TERF2IP: variants seen among roughly 807,000 people sequenced by gnomAD.
TERF2IP encodes the protein TERF2 interacting protein.
In TERF2IP, 35 loss-of-function variants were observed where a neutral mutation model predicts 33.3. The observed-to-expected ratio is 1.05, with a 90% CI of 0.80 to 1.39. The LOEUF is 1.39. Among genes scored for constraint, TERF2IP ranks in the 40% most tolerant of loss-of-function variants. TERF2IP has a pLI of 0.00. For synonymous variants in TERF2IP, 253 were observed against 223.2 expected, an observed-to-expected ratio of 1.13 and a Z score of -1.19; for missense variants, 583 against 524.8, an observed-to-expected ratio of 1.11 and a Z score of -1.08.
intron 1 of TERF2IP, among the ~76,000 whole-genome samples, chr16:75,651,754 A>G (rs1002388630): frequency 1.3e-5 from 2 of 152,194 alleles, no homozygotes; most frequent in Middle Eastern, 3.2e-3. Flanking sequence ...TATAAGCTAT[A>G]CTTTGACCCA....
intron 2 of TERF2IP, among the ~76,000 whole-genome samples, chr16:75,654,955 C>T (rs982136443): frequency 6.6e-6 from 1 of 152,160 alleles, no homozygotes; most frequent in African/African-American, 2.4e-5. Flanking sequence ...GCCTCGATCT[C>T]CTGACCTCGT....
chr16:75,653,530 T>A (rs2082362013), intron 1 of TERF2IP, among the ~76,000 whole-genome samples: 1 of 152,184 alleles, frequency 6.6e-6, no homozygotes, highest in Non-Finnish European at 1.5e-5. Flanking sequence ...GGAGCAGAGT[T>A]AAATCTTCAG....
Position 75,648,338 on chromosome 16 carries a change from C to T in TERF2IP, c.456C>T (p.Ala152=). 1 of 1,582,808 alleles carries T rather than the reference C, an allele frequency of 6.3e-7. No homozygotes were observed. Among genetic ancestry groups the T allele is most frequent in the East Asian group, 2.3e-5 (1 of 43,736 alleles). ...VAILTYVKEN[A]RSPSSVTGNA... ...TCCTTACCTACGTGAAGGAAAATGC[C>T]CGCTCGCCCAGCTCCGTCACCGGTA... The change falls in exon 1 of 3, where the codon GCC becomes GCT. Residue 152 remains alanine, a synonymous_variant. Coordinates refer to ENST00000300086, the MANE Select transcript of TERF2IP (RefSeq NM_018975.4).
chr16:75,655,757 G>A (rs1295320234), intron 2 of TERF2IP, among the ~76,000 whole-genome samples: 3 of 152,172 alleles, frequency 2.0e-5, no homozygotes, highest in Non-Finnish European at 4.4e-5. Context: ...GGTGGGTATT[G>A]GAGATGTGGT....
intron 1 of TERF2IP, among the ~76,000 whole-genome samples, chr16:75,651,368 A>C (rs891965523): frequency 6.6e-6 from 1 of 152,204 alleles, no homozygotes; most frequent in Non-Finnish European, 1.5e-5. Flanking sequence ...GCCGATAAAC[A>C]AATGAAGAAA....
chr16:75,654,148 TAAAAAAA>T lies in TERF2IP; in HGVS notation c.671-106_671-100del, dbSNP rs34359798. On this transcript the variant is annotated intron_variant, in intron 1 of 2. Coordinates refer to ENST00000300086, the MANE Select transcript of TERF2IP (RefSeq NM_018975.4). Reference sequence around the variant, plus strand: ...ATCAAGAACAGATGTCTTCTGATAGTAAAAAAAAAAAAAAAAAAAAAAAAAGTGCAGG... The same window carrying T: ...ATCAAGAACAGATGTCTTCTGATAGTAAAAAAAAAAAAAAAAAAGTGCAGG... 9.6e-4 allele frequency: 279 copies of T among 290,306 alleles called. 1 individual carries two copies. The highest frequency in any genetic ancestry group is 1.2e-3 in the Middle Eastern group (1 of 824). 18.0% of individuals were successfully genotyped at this position (290,306 alleles called of 1,614,324 possible). A position where few individuals can be genotyped will look rare whatever the true frequency, so the allele number is the denominator to read the frequency against.
intron 1 of TERF2IP, 38 bp downstream of exon 1, chr16:75,648,590 G>T: frequency 6.7e-7 from 1 of 1,492,466 alleles, no homozygotes; most frequent in Non-Finnish European, 8.9e-7. Flanking sequence ...GGATATCTGC[G>T]CGGGTGGGGT....
chr16:75,649,543 C>CAA lies in TERF2IP; in HGVS notation c.670+1005_670+1006dup, dbSNP rs5817958. 5.4e-3 allele frequency among the ~76,000 whole-genome samples: 738 copies of CAA among 136,446 alleles called. 18 individuals are homozygous for CAA. The highest frequency in any genetic ancestry group is 0.038 in the Admixed American group (533 of 13,906). 89.5% of individuals were successfully genotyped at this position (136,446 alleles called of 152,430 possible). On this transcript the variant is annotated intron_variant, in intron 1 of 2. Transcript: ENST00000300086. ...TGGGTGACAGAGCAAGACTCCATCT[C>CAA]AAAAAAAAAAAAAAATTATCTCGTC...
intron 2 of TERF2IP, among the ~76,000 whole-genome samples, chr16:75,654,735 T>C (rs1447324113): frequency 6.6e-6 from 1 of 152,236 alleles, no homozygotes; most frequent in Non-Finnish European, 1.5e-5. Context: ...TAATTGTTTT[T>C]TCTATTTTTT....
rs1865493 is a variant in TERF2IP at position 75,647,845 on chromosome 16, C to T, written c.-38C>T. The T allele has an allele frequency of 6.3e-7, 1 of 1,594,844 alleles. No individual in the cohort carries two copies. The highest frequency in any genetic ancestry group is 8.6e-7 in the Non-Finnish European group (1 of 1,168,496). ...TTGAGCTCTGTGTGCCAGGCGCTCG[C>T]GAGGGGGTAGCTCTTCTAGTAGTGC... On this transcript the variant is annotated 5_prime_UTR_variant, in exon 1 of 3. Coordinates refer to ENST00000300086, the MANE Select transcript of TERF2IP (RefSeq NM_018975.4).
intron 2 of TERF2IP, among the ~76,000 whole-genome samples, chr16:75,654,975 G>A (rs887915542): frequency 3.3e-5 from 5 of 152,038 alleles, no homozygotes; most frequent in Admixed American, 6.5e-5. Flanking sequence ...TGATCCGCCC[G>A]CCTTGGCCTC....
At chr16:75,656,111 G>T in intron 2 of TERF2IP, 96 bp from the exon 3 acceptor site, 1 of 1,225,106 alleles carries the variant, frequency 8.2e-7, no homozygotes, top group East Asian at 2.3e-5. Context: ...TGATTGGAAT[G>T]CAGAGGGCAA....
intron 1 of TERF2IP, among the ~76,000 whole-genome samples, chr16:75,649,594 GC>G (rs1668684141): frequency 6.6e-6 from 1 of 152,068 alleles, no homozygotes; most frequent in African/African-American, 2.4e-5. Flanking sequence ...CTACCCACGG[GC>G]TAACTGGCTT....
intron 1 of TERF2IP, 125 bp from the exon 2 acceptor site, chr16:75,654,148 T>TAAAAAAAA (rs34359798): frequency 1.4e-5 from 4 of 290,484 alleles, no homozygotes; most frequent in African/African-American, 8.5e-5. Context: ...CTTCTGATAG[T>TAAAAAAAA]AAAAAAAAAA....
At position 75,656,534 on chromosome 16, in the gene TERF2IP, G is replaced by A; in HGVS notation, c.1123G>A (p.Glu375Lys). Residue 375 changes from glutamate (E) to lysine (K), a missense_variant, in exon 3 of 3, where the codon GAG (glutamate) becomes AAG (lysine). Coordinates refer to ENST00000300086, the MANE Select transcript of TERF2IP (RefSeq NM_018975.4). ...QDDIDLQKDDEDTREALVKKF... is the reference protein window; with the variant it reads ...QDDIDLQKDDKDTREALVKKF... ...TGACATAGATTTGCAAAAAGATGAT[G>A]AGGATACCAGAGAGGCATTGGTCAA... The A allele has an allele frequency of 6.2e-7, 1 of 1,614,142 alleles. No individual in the cohort carries two copies. The highest frequency in any genetic ancestry group is 8.5e-7 in the Non-Finnish European group (1 of 1,180,004).
chr16:75,648,496 C>A lies in TERF2IP; in HGVS notation c.614C>A (p.Ser205Tyr). The change falls in exon 1 of 3, where the codon TCC becomes TAC. Residue 205 changes from serine to tyrosine, a missense_variant. Transcript: ENST00000300086. ...CTGGGGGACGCGCCGGTGAGCCCCT[C>A]CTCCCAGAAGCTCAAGCGGAAGGCG... is the stretch of plus-strand genomic sequence containing the variant. ...YLLGDAPVSPSSQKLKRKAEE... is the reference protein window; with the variant it reads ...YLLGDAPVSPYSQKLKRKAEE... 1 of 1,587,774 alleles carries A rather than the reference C, an allele frequency of 6.3e-7. No individual in the cohort carries two copies. The highest frequency in any genetic ancestry group is 8.6e-7 in the Non-Finnish European group (1 of 1,167,130).
rs1311752872 is a variant in TERF2IP, at chr16:75,648,215, G to A, written c.333G>A (p.Ser111=). Residue 111 remains serine (S), a synonymous_variant, in exon 1 of 3, where the codon TCG becomes TCA. Coordinates refer to ENST00000300086, the MANE Select transcript of TERF2IP (RefSeq NM_018975.4). The part of the protein sequence containing the change: ...LGPASAADTG[S]EAKPGALAEG... ...CCGCCTCGGCGGCGGACACCGGCTC[G>A]GAAGCAAAGCCCGGGGCCCTGGCCG... is the stretch of plus-strand genomic sequence containing the variant. 6.5e-7 allele frequency: 1 copy of A among 1,546,190 alleles called. No homozygotes were observed. Among genetic ancestry groups the A allele is most frequent in the South Asian group, 1.2e-5 (1 of 84,344 alleles).
chr16:75,648,736 CT>C (rs568968070), intron 1 of TERF2IP, 184 bp downstream of exon 1: 2 of 1,420,016 alleles, frequency 1.4e-6, no homozygotes, highest in Non-Finnish European at 1.8e-6. Flanking sequence ...TATTATTGTT[CT>C]TTTTTTGCGA....
At position 75,648,010 on chromosome 16, in the gene TERF2IP, C is replaced by T. The variant is rs756884417; in HGVS notation, c.128C>T (p.Ser43Leu). The T allele has an allele frequency of 6.2e-7, 1 of 1,612,882 alleles. No individual in the cohort carries two copies. The highest frequency in any genetic ancestry group is 1.1e-5 in the South Asian group (1 of 91,056). The change falls in exon 1 of 3, where the codon TCG becomes TTG. Residue 43 changes from serine to leucine, a missense_variant. Transcript: ENST00000300086. ...CCCAGCCCGGCCAAGCGTCGGCTGT[C>T]GACGCTCATCCTGCACGGCGGCGGC... is the stretch of plus-strand genomic sequence containing the variant. ...VRPSPAKRRL[S>L]TLILHGGGTV...
Sources: gnomAD v4.1 joint callset for allele counts (sites outside exome capture counted in the v4.1 genomes callset) on GRCh38, gnomAD v4.1.1 for gene constraint, MANE v1.5 for transcripts, NCBI Gene and HGNC (gene_info 2026-07-23, HGNC 2026-07-21) for gene names.